DGKE: variants seen among roughly 807,000 people sequenced by gnomAD.
The protein encoded by DGKE is DAG kinase epsilon.
In DGKE, 53 loss-of-function variants were observed where a neutral mutation model predicts 70.0. The observed-to-expected ratio is 0.76, with a 90% CI of 0.61 to 0.95. The LOEUF (loss-of-function observed/expected upper bound fraction) is 0.95. Among genes scored for constraint, DGKE ranks in the 40% least tolerant of loss-of-function variants. The pLI, the probability that DGKE is intolerant of heterozygous loss-of-function variation, is 0.00. For missense variants in DGKE, 655 were observed against 706.9 expected (o/e 0.93, Z 0.83); for synonymous variants, 291 against 257.0 (o/e 1.13, Z -1.27).
At chr17:56,837,822 A>T (rs1046842500) in intron 2 of DGKE, among the ~76,000 whole-genome samples, 1 of 152,218 alleles carries the variant, frequency 6.6e-6, no homozygotes, top group African/African-American at 2.4e-5. Context: ...ATGATGACTG[A>T]GTTTAAAGCC....
chr17:56,844,330 C>A (rs957658102), intron 3 of DGKE, 152 bp downstream of exon 3: 15 of 562,386 alleles, frequency 2.7e-5, no homozygotes, highest in Non-Finnish European at 3.5e-5. Context: ...AAATAAAATG[C>A]TATTATGGTA....
At chr17:56,862,301 A>G (rs1408399137) in intron 11 of DGKE, 50 bp downstream of exon 11, 1 of 1,506,576 alleles carries the variant, frequency 6.6e-7, no homozygotes, top group Non-Finnish European at 9.2e-7. Flanking sequence ...TCCAATTCTA[A>G]GCTGTTGATA....
Position 56,844,001 on chromosome 17 carries a change from G to A in DGKE, c.465-18G>A. On this transcript the variant is annotated intron_variant, in intron 2 of 11. Transcript: ENST00000284061. ...TATGGTTTAAAATTAGTTAATGCTTGTTTCTTCCTTCCCTCAGGTGCATTT... is the reference window on the plus strand; with the variant it reads ...TATGGTTTAAAATTAGTTAATGCTTATTTCTTCCTTCCCTCAGGTGCATTT... 1 of 1,532,486 alleles carries A rather than the reference G, an allele frequency of 6.5e-7. No individual in the cohort carries two copies. Among genetic ancestry groups the A allele is most frequent in the Non-Finnish European group, 8.7e-7 (1 of 1,148,146 alleles). The allele number at this position is 1,532,486 out of a possible 1,614,324, so 94.9% of individuals were successfully genotyped here.
chr17:56,855,503 A>AG (rs1348967678), intron 7 of DGKE, among the ~76,000 whole-genome samples: 1 of 152,224 alleles, frequency 6.6e-6, no homozygotes, highest in Non-Finnish European at 1.5e-5. Context: ...GCTGGTTATC[A>AG]GGGACTTGAA....
At position 56,858,617 on chromosome 17, in the gene DGKE, C is replaced by G. The variant is rs1193780387; in HGVS notation, c.1236C>G (p.Thr412=). The G allele has an allele frequency of 5.6e-6, 9 of 1,606,412 alleles. No individual in the cohort carries two copies. The South Asian group carries it at 9.0e-5, about 16-fold the overall frequency. Residue 412 remains threonine (T), a synonymous_variant, in exon 9 of 12, where the codon ACC becomes ACG. Transcript: ENST00000284061. ...AGGCGGTTTACTTATTCTATGGAAC[C>G]AAAGATTGTTTAGTGCAAGAATGTA... ...LNKAVYLFYG[T]KDCLVQECKD... is the part of the protein sequence containing the mutation.
intron 2 of DGKE, among the ~76,000 whole-genome samples, chr17:56,837,878 A>C (rs1231786673): frequency 6.6e-6 from 1 of 152,204 alleles, no homozygotes; most frequent in South Asian, 2.1e-4. Flanking sequence ...TCATTCGATC[A>C]TTATACTTAT....
chr17:56,853,982 T>A (rs1425464899), intron 7 of DGKE, among the ~76,000 whole-genome samples: 165 of 136,404 alleles, frequency 1.2e-3, no homozygotes, highest in African/African-American at 4.0e-3. Context: ...ATTCAGACTT[T>A]AAAAAAAAAA....
rs1343266903 is a variant in DGKE, at chr17:56,864,807, T to G, written c.*2016T>G. Reference sequence around the variant, plus strand: ...TTGGAACGAAAATAATCACAATAACTAATACAGCTTTTTAATTGTGAAAAC... The same window carrying G: ...TTGGAACGAAAATAATCACAATAACGAATACAGCTTTTTAATTGTGAAAAC... On this transcript the variant is annotated 3_prime_UTR_variant, in exon 12 of 12. Transcript: ENST00000284061. 1 of 152,192 alleles carries G rather than the reference T, an allele frequency of 6.6e-6. No individual in the cohort carries two copies. Among genetic ancestry groups the G allele is most frequent in the African/African-American group, 2.4e-5 (1 of 41,456 alleles). The allele number at this position is 152,192 out of a possible 1,614,324, so 9.4% of individuals were successfully genotyped here.
At chr17:56,848,275 A>T (rs974275769) in intron 5 of DGKE, among the ~76,000 whole-genome samples, 3 of 151,968 alleles carry the variant, frequency 2.0e-5, no homozygotes, top group Non-Finnish European at 2.9e-5. Context: ...CTCCCACCTC[A>T]GCCTACAAAG....
intron 4 of DGKE, chr17:56,846,185 A>C (rs1361065514): frequency 6.4e-6 from 1 of 155,658 alleles, no homozygotes; most frequent in Non-Finnish European, 1.4e-5. Context: ...TCAGCTGATG[A>C]GTTGATAAAC....
chr17:56,866,607 T>C lies in DGKE; in HGVS notation c.*3816T>C, dbSNP rs1908534264. On this transcript the variant is annotated 3_prime_UTR_variant, in exon 12 of 12. Coordinates refer to ENST00000284061, the MANE Select transcript of DGKE (RefSeq NM_003647.3). ...TGTCTGAACTCTGTTACATAAAAAT[T>C]GGTATGATTCATATGTGGAATCAGT... 6.6e-6 allele frequency: 1 copy of C among 152,238 alleles called. No individual in the cohort carries two copies. The highest frequency in any genetic ancestry group is 2.4e-5 in the African/African-American group (1 of 41,462). The allele number at this position is 152,238 out of a possible 1,614,324, so 9.4% of individuals were successfully genotyped here. A position where few individuals can be genotyped will look rare whatever the true frequency, so the allele number is the denominator to read the frequency against.
chr17:56,840,466 C>G (rs1412361190), intron 2 of DGKE, among the ~76,000 whole-genome samples: 2 of 152,122 alleles, frequency 1.3e-5, no homozygotes, highest in Non-Finnish European at 2.9e-5. Context: ...ACCTCTACCT[C>G]CCAGGCTCAA....
rs1392300063 is a variant in DGKE at position 56,863,104 on chromosome 17, CAT to C, written c.*314_*315del. 2 of 199,268 alleles carry C rather than the reference CAT, an allele frequency of 1.0e-5. No individual in the cohort carries two copies. The highest frequency in any genetic ancestry group is 1.7e-3 in the Middle Eastern group (1 of 576). The allele number at this position is 199,268 out of a possible 1,614,324, so 12.3% of individuals were successfully genotyped here. A position where few individuals can be genotyped will look rare whatever the true frequency, so the allele number is the denominator to read the frequency against. The stretch of plus-strand genomic sequence containing the variant: ...ACTCACTCTGAAGTATGTGCTGTCT[CAT>C]GTCTTATTTTTGAACCATGCATATG... On this transcript the variant is annotated 3_prime_UTR_variant, in exon 12 of 12. Transcript: ENST00000284061.
Position 56,847,924 on chromosome 17 carries a change from T to A in DGKE, c.747T>A (p.Val249=). 1 of 1,553,564 alleles carries A rather than the reference T, an allele frequency of 6.4e-7. No homozygotes were observed. The highest frequency in any genetic ancestry group is 8.7e-7 in the Non-Finnish European group (1 of 1,154,756). ...TTGTCTTTTTCTTTTGTTTCTAGGTTTTTGATGTAACTAAAACTCCTCCTA... is the reference window on the plus strand; with the variant it reads ...TTGTCTTTTTCTTTTGTTTCTAGGTATTTGATGTAACTAAAACTCCTCCTA... ...EFRILLNPVQ[V]FDVTKTPPIK... is the part of the protein sequence containing the mutation. Residue 249 remains valine, a splice_region_variant and synonymous_variant, in exon 5 of 12, where the codon GTT becomes GTA. Coordinates refer to ENST00000284061, the MANE Select transcript of DGKE (RefSeq NM_003647.3).
At position 56,864,611 on chromosome 17, in the gene DGKE, G is replaced by T. The variant is rs1908458309; in HGVS notation, c.*1820G>T. On this transcript the variant is annotated 3_prime_UTR_variant, in exon 12 of 12. Coordinates refer to ENST00000284061, the MANE Select transcript of DGKE (RefSeq NM_003647.3). Reference sequence around the variant, plus strand: ...AGTTTTGTTTTTTTTTTTTTTAATGGGCCAATCATGTTCTGAGTATTATGA... The same window carrying T: ...AGTTTTGTTTTTTTTTTTTTTAATGTGCCAATCATGTTCTGAGTATTATGA... 6.7e-6 allele frequency: 1 copy of T among 150,014 alleles called. No homozygotes were observed. The highest frequency in any genetic ancestry group is 2.5e-5 in the African/African-American group (1 of 40,782). The allele number at this position is 150,014 out of a possible 1,614,324, so 9.3% of individuals were successfully genotyped here. A position where few individuals can be genotyped will look rare whatever the true frequency, so the allele number is the denominator to read the frequency against.
Position 56,869,183 on chromosome 17 carries a change from A to G in DGKE, c.*6392A>G, listed in dbSNP as rs1313438771. The G allele has an allele frequency of 6.6e-6, 1 of 152,258 alleles. No individual in the cohort carries two copies. The highest frequency in any genetic ancestry group is 1.5e-5 in the Non-Finnish European group (1 of 68,040). 9.4% of individuals were successfully genotyped at this position (152,258 alleles called of 1,614,324 possible). A position where few individuals can be genotyped will look rare whatever the true frequency, so the allele number is the denominator to read the frequency against. On this transcript the variant is annotated 3_prime_UTR_variant, in exon 12 of 12. Transcript: ENST00000284061. ...TAGAGACTTCGGTAAACTGGAGCAC[A>G]TGATTCCTGGGAAGCAGGCCTAGTG...
intron 2 of DGKE, chr17:56,838,474 A>C (rs975163852): frequency 1.3e-5 from 2 of 152,220 alleles, no homozygotes; most frequent in South Asian, 2.1e-4. Flanking sequence ...ACAATACATA[A>C]ATGAATGAGC....
intron 7 of DGKE, 103 bp from the exon 8 acceptor site, chr17:56,856,409 A>G: frequency 7.9e-7 from 1 of 1,261,104 alleles, no homozygotes; most frequent in Non-Finnish European, 1.1e-6. Flanking sequence ...TGCAGAAAGC[A>G]TCTCCATTGT....
chr17:56,838,109 AAG>A (rs1344035005), intron 2 of DGKE, among the ~76,000 whole-genome samples: 3 of 152,196 alleles, frequency 2.0e-5, no homozygotes, highest in Non-Finnish European at 2.9e-5. Context: ...TTAAGAGAAA[AAG>A]AACTTAAAGT....
Sources: gnomAD v4.1 joint callset for allele counts (sites outside exome capture counted in the v4.1 genomes callset) on GRCh38, gnomAD v4.1.1 for gene constraint, MANE v1.5 for transcripts, NCBI Gene and HGNC (gene_info 2026-07-23, HGNC 2026-07-21) for gene names.